NCOR1: variants seen among roughly 807,000 people sequenced by gnomAD.
The protein encoded by NCOR1 is protein phosphatase 1, regulatory subunit 109.
In NCOR1, 63 loss-of-function variants were observed where a neutral mutation model predicts 288.1. The ratio of observed to expected loss-of-function variants is 0.22; its 90% CI spans 0.18 to 0.27. NCOR1 has a LOEUF of 0.27. Among genes scored for constraint, NCOR1 ranks in the 10% least tolerant of loss-of-function variants. NCOR1 has a pLI of 1.00. For missense variants in NCOR1, 2,397 were observed against 3,019.2 expected, an observed-to-expected ratio of 0.79 and a Z score of 4.83; for synonymous variants, 1,007 against 1,065.9, an observed-to-expected ratio of 0.94 and a Z score of 1.08.
At chr17:16,059,689 C>T (rs1236613200) in intron 37 of NCOR1, among the ~76,000 whole-genome samples, 1 of 152,186 alleles carries the variant, frequency 6.6e-6, no homozygotes, top group Non-Finnish European at 1.5e-5. Flanking sequence ...CCACAAACTG[C>T]ACTACAGAAT....
rs2075776723 is a variant in NCOR1 at position 16,132,363 on chromosome 17, C to G, written c.1509+4948G>C. 4.6e-5 allele frequency among the ~76,000 whole-genome samples: 7 copies of G among 152,164 alleles called. 1 individual carries two copies. The highest frequency in any genetic ancestry group is 4.6e-4 in the Admixed American group (7 of 15,278). ...TTATGTTGGAAAAATGCAGCATTTACTAGGGGAAGAAACTCTTACTGCTAG... is the reference window on the plus strand; with the variant it reads ...TTATGTTGGAAAAATGCAGCATTTAGTAGGGGAAGAAACTCTTACTGCTAG... On this transcript the variant is annotated intron_variant, in intron 14 of 45. Transcript: ENST00000268712.
intron 40 of NCOR1, among the ~76,000 whole-genome samples, chr17:16,056,063 C>A (rs2059877223): frequency 6.6e-6 from 1 of 151,202 alleles, no homozygotes; most frequent in African/African-American, 2.4e-5. Flanking sequence ...TTGAAAACTT[C>A]CACAATAATT....
intron 43 of NCOR1, 160 bp downstream of exon 43, chr17:16,040,281 T>C (rs2057318735): frequency 1.4e-6 from 1 of 709,874 alleles, no homozygotes; most frequent in African/African-American, 1.7e-5. Context: ...AGTTCCTTTC[T>C]GTGCTACTGG....
At position 16,039,495 on chromosome 17, in the gene NCOR1, T is replaced by G. The variant is rs774282901; in HGVS notation, c.6893A>C (p.Asn2298Thr). ...CTCACCACTGGTCACAACTGAGGTG[T>G]TGGCAGTACCAGGCACTACTCCCAT... ...QPMGVVPGTANTSVVTSGETR... is the reference protein window; with the variant it reads ...QPMGVVPGTATTSVVTSGETR... Residue 2298 changes from asparagine (N) to threonine (T), a missense_variant, in exon 44 of 46, where the codon AAC becomes ACC. This residue lies in a region of NCOR1 where 1,872 missense variants were observed against 2,187.8 expected (regional missense o/e 0.86). Coordinates refer to ENST00000268712, the MANE Select transcript of NCOR1 (RefSeq NM_006311.4). 1 of 1,614,120 alleles carries G rather than the reference T, an allele frequency of 6.2e-7. No individual in the cohort carries two copies. The highest frequency in any genetic ancestry group is 8.5e-7 in the Non-Finnish European group (1 of 1,180,030).
chr17:16,139,144 T>C lies in NCOR1; in HGVS notation c.1216A>G (p.Met406Val), dbSNP rs1393424638. 1 of 1,613,676 alleles carries C rather than the reference T, an allele frequency of 6.2e-7. No homozygotes were observed. ...QMRQLSVIPP[M>V]MFDAEQRRVK... Reference sequence around the variant, plus strand: ...CGTCTTTGTTCTGCATCAAACATCATAGGTGGAATCACAGAGAGCTGCCGC... The same window carrying C: ...CGTCTTTGTTCTGCATCAAACATCACAGGTGGAATCACAGAGAGCTGCCGC... Residue 406 changes from methionine to valine, a missense_variant, in exon 12 of 46, where the codon ATG (methionine) becomes GTG (valine). Transcript: ENST00000268712.
Position 16,168,160 on chromosome 17 carries a change from CAT to C in NCOR1, c.436-3001_436-3000del, listed in dbSNP as rs1229148865. On this transcript the variant is annotated intron_variant, in intron 4 of 45. Transcript: ENST00000268712. The stretch of plus-strand genomic sequence containing the variant: ...AACAATCTTTTTGTTAAACAATAGA[CAT>C]GTGGTGTCAGCAAGGATAAAAAAGA... Among the ~76,000 whole-genome samples the C allele has an allele frequency of 3.3e-5, 5 of 152,086 alleles. No homozygotes were observed. The East Asian group carries it at 5.8e-4, about 18-fold the overall frequency.
chr17:16,186,232 T>C (rs576797182), intron 3 of NCOR1, among the ~76,000 whole-genome samples: 3 of 152,244 alleles, frequency 2.0e-5, no homozygotes, highest in East Asian at 1.9e-4. Flanking sequence ...ACTCCAGAGA[T>C]TGATTTAAGT....
At chr17:16,191,324 A>C (rs1489490147) in intron 2 of NCOR1, among the ~76,000 whole-genome samples, 1 of 152,190 alleles carries the variant, frequency 6.6e-6, no homozygotes, top group Non-Finnish European at 1.5e-5. Flanking sequence ...AATTAGAATA[A>C]AGACCACTCT....
chr17:16,121,114 C>T lies in NCOR1; in HGVS notation c.1790G>A (p.Ser597Asn). The change falls in exon 16 of 46, where the codon AGT becomes AAT. Residue 597 changes from serine to asparagine, a missense_variant. Transcript: ENST00000268712. ...TTCAGTAGCCGCTGCGGCTGCAGCA[C>T]TGGCAGCTGCAGCTTCGTTTGTCAT... ...RSMTNEAAAASAAAAAATEEP... is the reference protein window; with the variant it reads ...RSMTNEAAAANAAAAAATEEP... 1 of 1,614,150 alleles carries T rather than the reference C, an allele frequency of 6.2e-7. No individual in the cohort carries two copies. Among genetic ancestry groups the T allele is most frequent in the Non-Finnish European group, 8.5e-7 (1 of 1,180,010 alleles).
chr17:16,156,126 G>T (rs2079732495), intron 6 of NCOR1, among the ~76,000 whole-genome samples: 1 of 152,052 alleles, frequency 6.6e-6, no homozygotes, highest in African/African-American at 2.4e-5. Flanking sequence ...CTGTCTGTTA[G>T]AAAGAAAAGA....
intron 10 of NCOR1, among the ~76,000 whole-genome samples, chr17:16,146,145 G>A (rs1463978597): frequency 6.6e-6 from 1 of 151,976 alleles, no homozygotes; most frequent in African/African-American, 2.4e-5. Flanking sequence ...AGTACCCAGG[G>A]ACACAAACAC....
At chr17:16,089,875 A>C (rs1489835482) in intron 22 of NCOR1, among the ~76,000 whole-genome samples, 1 of 152,134 alleles carries the variant, frequency 6.6e-6, no homozygotes, top group East Asian at 1.9e-4. Context: ...GGATGAATAC[A>C]CTAGGGAGAT....
intron 14 of NCOR1, among the ~76,000 whole-genome samples, chr17:16,127,656 T>G (rs1035924078): frequency 6.8e-6 from 1 of 146,832 alleles, no homozygotes. Context: ...TATGTGTATA[T>G]ATACATATAT....
Position 16,039,623 on chromosome 17 carries a change from A to C in NCOR1, c.6765T>G (p.Ala2255=), listed in dbSNP as rs1302586495. 6.2e-7 allele frequency: 1 copy of C among 1,614,030 alleles called. No homozygotes were observed. The highest frequency in any genetic ancestry group is 1.3e-5 in the African/African-American group (1 of 74,922). Residue 2255 remains alanine, a synonymous_variant, in exon 44 of 46, where the codon GCT becomes GCG. Transcript: ENST00000268712. The part of the protein sequence containing the change: ...GSVSSRGHSF[A]DPASNLGLED... ...CCAGCCCAAGATTACTGGCAGGATC[A>C]GCAAAAGAATGGCCTCTAGAGCTAA...
intron 14 of NCOR1, among the ~76,000 whole-genome samples, chr17:16,132,879 C>T (rs2075852376): frequency 1.4e-5 from 2 of 143,100 alleles, no homozygotes; most frequent in South Asian, 4.5e-4. Context: ...TTCTTGCTTT[C>T]CTTCCTTCCT....
chr17:16,209,585 TTA>T (rs2091921409), intron 1 of NCOR1, among the ~76,000 whole-genome samples: 1 of 151,036 alleles, frequency 6.6e-6, no homozygotes, highest in South Asian at 2.1e-4. Context: ...AAAATAAATT[TTA>T]TAGCATGAAT....
At chr17:16,067,199 C>T (rs577759225) in intron 32 of NCOR1, among the ~76,000 whole-genome samples, 1 of 152,390 alleles carries the variant, frequency 6.6e-6, no homozygotes, top group African/African-American at 2.4e-5. Context: ...CTGCACCTAT[C>T]AGATTCTGTC....
chr17:16,045,405 G>A (rs2058494748), intron 42 of NCOR1, among the ~76,000 whole-genome samples: 1 of 151,622 alleles, frequency 6.6e-6, no homozygotes, highest in South Asian at 2.1e-4. Context: ...GTTGTTGTGA[G>A]GATTAAATGA....
intron 11 of NCOR1, among the ~76,000 whole-genome samples, chr17:16,141,013 G>GAAAAAAAAAAAAAAAAAAAAAAA (rs75591454): frequency 9.8e-5 from 14 of 142,450 alleles, no homozygotes; most frequent in South Asian, 2.3e-4. Context: ...AAAAAAAAAG[G>GAAAAAAAAAAAAAAAAAAAAAAA]AAAATTCACT....
Sources: allele counts gnomAD v4.1 joint callset (sites outside exome capture counted in the v4.1 genomes callset), GRCh38; gene constraint gnomAD v4.1.1; regional missense constraint gnomAD v4.1.1; transcripts MANE v1.5; gene names NCBI Gene and HGNC (gene_info 2026-07-23, HGNC 2026-07-21).